The following HTR1E variants were observed in gnomAD, a reference collection of about 807,000 sequenced individuals.
The protein encoded by HTR1E is 5-HT-1E.
In HTR1E, 3 loss-of-function variants were observed where a neutral mutation model predicts 3.4. That is an observed-to-expected ratio of 0.89 (90% CI 0.41 to 2.31). HTR1E has a LOEUF of 2.31. Among genes scored for constraint, HTR1E ranks in the 30% most tolerant of loss-of-function variants. HTR1E has a pLI of 0.05. For missense variants in HTR1E, 392 were observed against 467.0 expected, an observed-to-expected ratio of 0.84 and a Z score of 1.48; for synonymous variants, 170 against 182.8, an observed-to-expected ratio of 0.93 and a Z score of 0.56.
intron 1 of HTR1E, among the ~76,000 whole-genome samples, chr6:86,947,468 C>T (rs1350729241): frequency 1.3e-5 from 2 of 151,500 alleles, no homozygotes; most frequent in Non-Finnish European, 2.9e-5. Flanking sequence ...GATTTTTTTT[C>T]CTGCTTATAA....
intron 1 of HTR1E, among the ~76,000 whole-genome samples, chr6:86,979,020 T>C (rs1172238447): frequency 2.0e-5 from 3 of 152,220 alleles, no homozygotes; most frequent in Non-Finnish European, 4.4e-5. Flanking sequence ...TCACGGGTTT[T>C]AGTACCAGCT....
At chr6:86,972,336 C>T (rs1170942823) in intron 1 of HTR1E, among the ~76,000 whole-genome samples, 2 of 152,066 alleles carry the variant, frequency 1.3e-5, no homozygotes, top group Non-Finnish European at 2.9e-5. Flanking sequence ...ATGCAGAATA[C>T]TTCAAGGTAT....
chr6:87,015,314 G>T lies in HTR1E; in HGVS notation c.-21G>T. On this transcript the variant is annotated 5_prime_UTR_variant, in exon 2 of 2. Coordinates refer to ENST00000305344, the MANE Select transcript of HTR1E (RefSeq NM_000865.3). ...AAATAACCAACAGCTTCTCCACAGT[G>T]TAGACTGAAACAAGGGAAACATGAA... 4.6e-6 allele frequency: 7 copies of T among 1,530,276 alleles called. No homozygotes were observed. The highest frequency in any genetic ancestry group is 6.2e-6 in the Non-Finnish European group (7 of 1,135,382). The allele number at this position is 1,530,276 out of a possible 1,614,324, so 94.8% of individuals were successfully genotyped here.
At chr6:87,003,476 T>C (rs1323629757) in intron 1 of HTR1E, among the ~76,000 whole-genome samples, 2 of 149,574 alleles carry the variant, frequency 1.3e-5, no homozygotes, top group Non-Finnish European at 3.0e-5. Flanking sequence ...GATGCAGAGG[T>C]TGCAGTGAGC....
At position 87,005,539 on chromosome 6, in the gene HTR1E, T is replaced by C. The variant is rs373804261; in HGVS notation, c.-185-9611T>C. On this transcript the variant is annotated intron_variant, in intron 1 of 1. Transcript: ENST00000305344. Reference sequence around the variant, plus strand: ...CCGGGAGAACTGGCAGCATTCCATATGCAGAAGAATGAAATAGACCCCTAT... The same window carrying C: ...CCGGGAGAACTGGCAGCATTCCATACGCAGAAGAATGAAATAGACCCCTAT... Among the ~76,000 whole-genome samples the C allele has an allele frequency of 1.6e-4, 24 of 152,224 alleles. No homozygotes were observed. The East Asian group carries it at 3.9e-3, about 24-fold the overall frequency.
intron 1 of HTR1E, among the ~76,000 whole-genome samples, chr6:86,978,798 A>G (rs548206625): frequency 6.3e-4 from 96 of 152,328 alleles, no homozygotes; most frequent in African/African-American, 2.2e-3. Context: ...AAAACACTGA[A>G]TAGTTCCCAT....
intron 1 of HTR1E, among the ~76,000 whole-genome samples, chr6:86,948,629 G>A (rs751275539): frequency 5.9e-5 from 9 of 152,076 alleles, no homozygotes; most frequent in Non-Finnish European, 1.2e-4. Flanking sequence ...TCTAATTGGG[G>A]TGGCCATCTG....
intron 1 of HTR1E, among the ~76,000 whole-genome samples, chr6:86,940,348 C>A (rs1161990047): frequency 6.6e-6 from 1 of 152,046 alleles, no homozygotes; most frequent in African/African-American, 2.4e-5. Context: ...CCAGCCTGAG[C>A]AAAATAATGA....
intron 1 of HTR1E, among the ~76,000 whole-genome samples, chr6:86,964,418 G>GT (rs1292717215): frequency 6.6e-6 from 1 of 152,212 alleles, no homozygotes; most frequent in Non-Finnish European, 1.5e-5. Context: ...TGCAATAAAT[G>GT]TAAGAATCAC....
At chr6:86,948,912 T>C (rs1431537457) in intron 1 of HTR1E, among the ~76,000 whole-genome samples, 1 of 152,140 alleles carries the variant, frequency 6.6e-6, no homozygotes, top group Non-Finnish European at 1.5e-5. Context: ...GATAAAACTT[T>C]ACATGGAGGA....
In HTR1E at chr6:86,971,135, T is replaced by C. The variant is rs1050776607; in HGVS notation, c.-186+33312T>C. ...AAAAGACCACTCATTTTGTAGAAGGTGGAGATGCTGGCAACAGAGAAGACC... is the reference window on the plus strand; with the variant it reads ...AAAAGACCACTCATTTTGTAGAAGGCGGAGATGCTGGCAACAGAGAAGACC... On this transcript the variant is annotated intron_variant, in intron 1 of 1. Coordinates refer to ENST00000305344, the MANE Select transcript of HTR1E (RefSeq NM_000865.3). 1.8e-5 allele frequency: 9 copies of C among 509,588 alleles called. No individual in the cohort carries two copies. In the Admixed American group the frequency reaches 1.8e-4, roughly 10 times the overall value. 31.6% of individuals were successfully genotyped at this position (509,588 alleles called of 1,614,324 possible).
intron 1 of HTR1E, among the ~76,000 whole-genome samples, chr6:87,002,355 G>A (rs1768036242): frequency 6.6e-6 from 1 of 152,240 alleles, no homozygotes; most frequent in South Asian, 2.1e-4. Context: ...CAAAGAGTGA[G>A]CAACAGCAAG....
At chr6:86,982,449 C>G (rs917222985) in intron 1 of HTR1E, among the ~76,000 whole-genome samples, 56 of 152,106 alleles carry the variant, frequency 3.7e-4, no homozygotes, top group African/African-American at 1.3e-3. Flanking sequence ...GTGATGTGCT[C>G]TCAGGCGATA....
chr6:86,981,476 G>C (rs562312247), intron 1 of HTR1E, among the ~76,000 whole-genome samples: 2 of 152,172 alleles, frequency 1.3e-5, no homozygotes, highest in Non-Finnish European at 2.9e-5. Flanking sequence ...CCACAAAGCT[G>C]TGAGAAAGGA....
intron 1 of HTR1E, among the ~76,000 whole-genome samples, chr6:86,989,885 C>T (rs968354483): frequency 1.3e-5 from 2 of 152,082 alleles, no homozygotes; most frequent in Admixed American, 6.5e-5. Context: ...TGCTTTTCAA[C>T]CTACAGTAAG....
intron 1 of HTR1E, among the ~76,000 whole-genome samples, chr6:86,942,018 G>A (rs1035075893): frequency 6.6e-6 from 1 of 152,180 alleles, no homozygotes; most frequent in Non-Finnish European, 1.5e-5. Flanking sequence ...GAAAGAATAA[G>A]AGAACCCAGT....
At chr6:87,001,375 G>A (rs555976172) in intron 1 of HTR1E, among the ~76,000 whole-genome samples, 98 of 152,220 alleles carry the variant, frequency 6.4e-4, no homozygotes, top group Middle Eastern at 3.4e-3. Context: ...GTAGGTGAAC[G>A]GATTTAAAAA....
At chr6:87,004,566 A>T (rs1219650764) in intron 1 of HTR1E, among the ~76,000 whole-genome samples, 3 of 151,890 alleles carry the variant, frequency 2.0e-5, no homozygotes, top group East Asian at 3.8e-4. Context: ...TGATAACCCT[A>T]AAAAAAATGG....
intron 1 of HTR1E, among the ~76,000 whole-genome samples, chr6:87,014,142 G>A (rs947053060): frequency 6.6e-6 from 1 of 151,910 alleles, no homozygotes. Context: ...GATAGCATTA[G>A]GAGAAATACC....
Sources: gnomAD v4.1 joint callset for allele counts (sites outside exome capture counted in the v4.1 genomes callset) on GRCh38, gnomAD v4.1.1 for gene constraint, MANE v1.5 for transcripts, NCBI Gene and HGNC (gene_info 2026-07-23, HGNC 2026-07-21) for gene names.